NECTIN2: variants seen among roughly 807,000 people sequenced by gnomAD.
The protein encoded by NECTIN2 is nectin-2.
Under a neutral mutation model 56.9 loss-of-function variants are expected in NECTIN2, and 23 were observed. That is an observed-to-expected ratio of 0.40 (90% CI 0.29 to 0.57). The LOEUF (loss-of-function observed/expected upper bound fraction) is 0.57, where lower values mean the gene tolerates loss of function less well. Among genes scored for constraint, NECTIN2 ranks in the 20% least tolerant of loss-of-function variants. NECTIN2 has a pLI of 0.38. For synonymous variants in NECTIN2, 302 were observed against 313.8 expected, an observed-to-expected ratio of 0.96 and a Z score of 0.40; for missense variants, 587 against 718.3, an observed-to-expected ratio of 0.82 and a Z score of 2.09.
rs970673789 is a variant in NECTIN2 at position 44,875,913 on chromosome 19, G to A, written c.1042+1435G>A. Among the ~76,000 whole-genome samples the A allele has an allele frequency of 2.0e-5, 3 of 152,154 alleles. No individual in the cohort carries two copies. The highest frequency in any genetic ancestry group is 6.5e-5 in the Admixed American group (1 of 15,270). On this transcript the variant is annotated intron_variant, in intron 5 of 8. Coordinates refer to ENST00000252483, the MANE Select transcript of NECTIN2 (RefSeq NM_001042724.2). This position sits in a 1 kb window ranked among gnomAD's most constrained non-coding sequence, Gnocchi z 4.2. ...CTGTCCCGCTCTGGGCTCGCCTGGCGCGTGAGGATGCACATAAGTCCCCGG... is the reference window on the plus strand; with the variant it reads ...CTGTCCCGCTCTGGGCTCGCCTGGCACGTGAGGATGCACATAAGTCCCCGG...
At chr19:44,877,376 C>T (rs1444245166) in intron 5 of NECTIN2, among the ~76,000 whole-genome samples, 1 of 152,144 alleles carries the variant, frequency 6.6e-6, no homozygotes, top group Non-Finnish European at 1.5e-5. Flanking sequence ...TCCCTCCCTG[C>T]TCACACTGCC....
chr19:44,887,807 G>A (rs1328215674), intron 8 of NECTIN2, among the ~76,000 whole-genome samples: 1 of 152,192 alleles, frequency 6.6e-6, no homozygotes, highest in Non-Finnish European at 1.5e-5. Context: ...GGACTGTTTA[G>A]AGCCCAAGGT....
intron 6 of NECTIN2, among the ~76,000 whole-genome samples, chr19:44,885,696 C>T (rs546780977): frequency 6.6e-6 from 1 of 152,254 alleles, no homozygotes; most frequent in African/African-American, 2.4e-5. Context: ...TCAGTAAGTG[C>T]CCTGAGGGGG....
At chr19:44,849,731 T>C (rs1968878982) in intron 1 of NECTIN2, among the ~76,000 whole-genome samples, 1 of 151,756 alleles carries the variant, frequency 6.6e-6, no homozygotes, top group Admixed American at 6.6e-5. Flanking sequence ...ACCCCAGGAA[T>C]CAAGGCAGAG....
At position 44,865,160 on chromosome 19, in the gene NECTIN2, T is replaced by TTGCATGC. The variant is rs1470513691; in HGVS notation, c.89-110_89-104dup. 16 of 1,200,728 alleles carry TTGCATGC rather than the reference T, an allele frequency of 1.3e-5. No individual in the cohort carries two copies. In the East Asian group the frequency reaches 3.6e-4, roughly 27 times the overall value. The allele number at this position is 1,200,728 out of a possible 1,614,324, so 74.4% of individuals were successfully genotyped here. ...TCAGGATGCTGCGAAGCTGCCTACGTTGCATGCGGAGCCTGCATTTCCCGT... is the reference window on the plus strand; with the variant it reads ...TCAGGATGCTGCGAAGCTGCCTACGTTGCATGCTGCATGCGGAGCCTGCATTTCCCGT... On this transcript the variant is annotated intron_variant, in intron 1 of 8. Coordinates refer to ENST00000252483, the MANE Select transcript of NECTIN2 (RefSeq NM_001042724.2). The surrounding 1 kb of genome is among the most constrained non-coding windows in gnomAD (Gnocchi z 5.2).
chr19:44,861,661 A>G (rs1969032943), intron 1 of NECTIN2, among the ~76,000 whole-genome samples: 1 of 152,224 alleles, frequency 6.6e-6, no homozygotes, highest in African/African-American at 2.4e-5. Flanking sequence ...AATTTACAAG[A>G]AAAGAAAAAC....
rs1474568164 is a variant in NECTIN2 at position 44,865,361 on chromosome 19, T to TTGG, written c.180_181insGGT (p.Val60_Pro61insGly). ...CTGCCGTGCCACCTGCTGCCACCTGTTCCTGGACTGTACATCTCCCTGGTG... is the reference window on the plus strand; with the variant it reads ...CTGCCGTGCCACCTGCTGCCACCTGTTGGTCCTGGACTGTACATCTCCCTGGTG... On this transcript the variant is annotated inframe_insertion, in exon 2 of 9. Transcript: ENST00000252483. This position sits in a 1 kb window ranked among gnomAD's most constrained non-coding sequence, Gnocchi z 5.2. The TTGG allele has an allele frequency of 1.2e-6, 2 of 1,614,014 alleles. No homozygotes were observed. The highest frequency in any genetic ancestry group is 2.7e-5 in the African/African-American group (2 of 74,916).
intron 1 of NECTIN2, among the ~76,000 whole-genome samples, chr19:44,847,947 G>A (rs972486957): frequency 3.3e-5 from 5 of 152,240 alleles, no homozygotes; most frequent in East Asian, 1.9e-4. Context: ...GAGGGGCTGG[G>A]AGGGAACCCT....
chr19:44,854,833 G>T (rs982507731), intron 1 of NECTIN2, among the ~76,000 whole-genome samples: 4 of 151,246 alleles, frequency 2.6e-5, no homozygotes, highest in East Asian at 2.0e-4. Flanking sequence ...TTTTTAAAAA[G>T]AACTCTGAGT....
chr19:44,848,898 C>A (rs1968868836), intron 1 of NECTIN2, among the ~76,000 whole-genome samples: 1 of 152,162 alleles, frequency 6.6e-6, no homozygotes, highest in South Asian at 2.1e-4. Flanking sequence ...ACCACCTGGG[C>A]CCCCAGCTGG....
In NECTIN2 at chr19:44,874,772, C is replaced by T; in HGVS notation, c.1042+294C>T. ...GTCCTCACGAATAGACCCGAGGAAG[C>T]TGCCCTGGGCTCCAGCTCCTGAGAA... is the stretch of plus-strand genomic sequence containing the variant. On this transcript the variant is annotated intron_variant, in intron 5 of 8. Coordinates refer to ENST00000252483, the MANE Select transcript of NECTIN2 (RefSeq NM_001042724.2). The surrounding 1 kb of genome is among the most constrained non-coding windows in gnomAD (Gnocchi z 6.3). 1 of 331,120 alleles carries T rather than the reference C, an allele frequency of 3.0e-6. No homozygotes were observed. The highest frequency in any genetic ancestry group is 4.2e-5 in the South Asian group (1 of 23,760). 20.5% of individuals were successfully genotyped at this position (331,120 alleles called of 1,614,324 possible). A position where few individuals can be genotyped will look rare whatever the true frequency, so the allele number is the denominator to read the frequency against.
intron 5 of NECTIN2, among the ~76,000 whole-genome samples, chr19:44,880,769 G>A (rs1419998396): frequency 1.4e-5 from 2 of 147,048 alleles, no homozygotes; most frequent in African/African-American, 2.5e-5. Context: ...CCTGGCCCCT[G>A]GCTAATTTTT....
intron 5 of NECTIN2, among the ~76,000 whole-genome samples, chr19:44,879,950 T>C (rs1234450724): frequency 1.3e-5 from 2 of 152,170 alleles, no homozygotes; most frequent in Non-Finnish European, 2.9e-5. Context: ...GCAGTATGTT[T>C]AGGATGAAGG....
intron 2 of NECTIN2, among the ~76,000 whole-genome samples, chr19:44,867,250 G>T (rs1047218465): frequency 6.6e-6 from 1 of 151,996 alleles, no homozygotes; most frequent in Non-Finnish European, 1.5e-5. Flanking sequence ...TTGAACTCCC[G>T]ACCTCAGGTG....
In NECTIN2 at chr19:44,865,518, T is replaced by A; in HGVS notation, c.336T>A (p.Thr112=). 1.3e-6 allele frequency: 2 copies of A among 1,595,226 alleles called. No homozygotes were observed. Among genetic ancestry groups the A allele is most frequent in the African/African-American group, 1.3e-5 (1 of 74,562 alleles). Residue 112 remains threonine, a synonymous_variant, in exon 2 of 9, where the codon ACT becomes ACA. Coordinates refer to ENST00000252483, the MANE Select transcript of NECTIN2 (RefSeq NM_001042724.2). The surrounding 1 kb of genome is among the most constrained non-coding windows in gnomAD (Gnocchi z 5.2). ...RLSFVSAKQS[T]GQDTEAELQD... is the part of the protein sequence containing the mutation. ...CCTTCGTCTCTGCCAAGCAGAGCAC[T>A]GGGCAAGACACAGAGGCAGAGCTCC... is the stretch of plus-strand genomic sequence containing the variant.
At chr19:44,882,098 C>G (rs1195357011) in intron 5 of NECTIN2, 113 bp from the exon 6 acceptor site, 2 of 971,298 alleles carry the variant, frequency 2.1e-6, no homozygotes, top group Middle Eastern at 3.7e-4. Context: ...TGTCCCCTGC[C>G]CATGGGAGAG....
chr19:44,857,705 G>T (rs10404720), intron 1 of NECTIN2, among the ~76,000 whole-genome samples: 76 of 118,588 alleles, frequency 6.4e-4, no homozygotes, highest in Middle Eastern at 4.1e-3. Flanking sequence ...CCGGGTTTTT[G>T]TTTTTGTTTT....
intron 6 of NECTIN2, among the ~76,000 whole-genome samples, chr19:44,883,931 GC>G (rs1453123885): frequency 1.3e-5 from 2 of 151,912 alleles, no homozygotes; most frequent in South Asian, 4.2e-4. Context: ...ACCAGCCTGG[GC>G]AACATGGCGA....
At chr19:44,853,331 G>T (rs1968923557) in intron 1 of NECTIN2, among the ~76,000 whole-genome samples, 1 of 151,838 alleles carries the variant, frequency 6.6e-6, no homozygotes, top group Non-Finnish European at 1.5e-5. Flanking sequence ...CGAGTAGCTG[G>T]GACTACAGGG....
Sources: gnomAD v4.1 joint callset for allele counts (sites outside exome capture counted in the v4.1 genomes callset) on GRCh38, gnomAD v4.1.1 for gene constraint, Gnocchi (gnomAD v3.1) non-coding constraint, MANE v1.5 for transcripts, NCBI Gene and HGNC (gene_info 2026-07-23, HGNC 2026-07-21) for gene names.